RNF220: variants seen among roughly 807,000 people sequenced by gnomAD.
The protein encoded by RNF220 is ring finger protein 220, also known as E3 ubiquitin-protein ligase RNF220.
A neutral mutation model predicts 67.1 loss-of-function variants in RNF220; 7 were observed. The observed-to-expected ratio is 0.10, with a 90% CI of 0.06 to 0.20. The LOEUF is 0.20. RNF220 is among the 10% of genes least tolerant of loss of function. The pLI, the probability that RNF220 is intolerant of heterozygous loss-of-function variation, is 1.00. For missense variants in RNF220, 565 were observed against 740.3 expected (o/e 0.76, Z 2.75); for synonymous variants, 270 against 283.2 (o/e 0.95, Z 0.47).
chr1:44,563,325 C>T (rs1663732072), intron 2 of RNF220, among the ~76,000 whole-genome samples: 1 of 152,186 alleles, frequency 6.6e-6, no homozygotes, highest in East Asian at 1.9e-4. Context: ...TGGTGGCCCC[C>T]CTGCTTCAGG....
In RNF220 at chr1:44,594,272, C is replaced by G. The variant is rs182464927; in HGVS notation, c.626-19893C>G. 3.6e-3 allele frequency among the ~76,000 whole-genome samples: 548 copies of G among 152,236 alleles called. 6 individuals carry two copies. The highest frequency in any genetic ancestry group is 0.012 in the African/African-American group (516 of 41,532). ...CCTGGAGGGCGCTTTGCCTCCCCCC[C>G]TCCCTCCTTGTTACTTCATTCCCTC... On this transcript the variant is annotated intron_variant, in intron 2 of 14. Coordinates refer to ENST00000361799, the MANE Select transcript of RNF220 (RefSeq NM_018150.4).
At chr1:44,575,458 A>G (rs1441855022) in intron 2 of RNF220, among the ~76,000 whole-genome samples, 1 of 152,180 alleles carries the variant, frequency 6.6e-6, no homozygotes, top group Non-Finnish European at 1.5e-5. Flanking sequence ...TAGTGCTGCA[A>G]TAAACATGGG....
At chr1:44,555,798 C>T (rs1430126990) in intron 2 of RNF220, among the ~76,000 whole-genome samples, 2 of 150,464 alleles carry the variant, frequency 1.3e-5, no homozygotes, top group Admixed American at 6.6e-5. Flanking sequence ...TTATTTTTAC[C>T]TCTGTGACTG....
chr1:44,414,489 C>T (rs1648322015), intron 2 of RNF220, among the ~76,000 whole-genome samples: 1 of 152,184 alleles, frequency 6.6e-6, no homozygotes, highest in African/African-American at 2.4e-5. Context: ...CTGTATCCGA[C>T]TCCAGAGCAG....
Position 44,579,890 on chromosome 1 carries a change from G to A in RNF220, c.626-34275G>A, listed in dbSNP as rs143728115. Among the ~76,000 whole-genome samples, 512 of 151,890 alleles carry A rather than the reference G, an allele frequency of 3.4e-3. 20 individuals carry two copies. Among genetic ancestry groups the A allele is most frequent in the Admixed American group, 0.032 (490 of 15,270 alleles). On this transcript the variant is annotated intron_variant, in intron 2 of 14. Transcript: ENST00000361799. The stretch of plus-strand genomic sequence containing the variant: ...TAAAAAATACCAAAAAATTAGCCAG[G>A]TGTGGTGGCGTGCATCTGTAGTCCC...
chr1:44,490,865 G>T (rs554844516), intron 2 of RNF220, among the ~76,000 whole-genome samples: 1 of 150,450 alleles, frequency 6.6e-6, no homozygotes, highest in Non-Finnish European at 1.5e-5. Flanking sequence ...ACAAGAGAGA[G>T]GACTCAAATT....
chr1:44,465,431 C>T (rs1017262641), intron 2 of RNF220, among the ~76,000 whole-genome samples: 1 of 138,122 alleles, frequency 7.2e-6, no homozygotes, highest in Non-Finnish European at 1.6e-5. Flanking sequence ...TAGATAAATC[C>T]ATGTGCCATT....
At chr1:44,483,177 C>T (rs1039721692) in intron 2 of RNF220, among the ~76,000 whole-genome samples, 9 of 152,156 alleles carry the variant, frequency 5.9e-5, no homozygotes, top group Admixed American at 3.9e-4. Context: ...GCCATCCTCC[C>T]GACTTAGCCT....
At chr1:44,446,843 C>G (rs1277128511) in intron 2 of RNF220, among the ~76,000 whole-genome samples, 1 of 152,196 alleles carries the variant, frequency 6.6e-6, no homozygotes, top group African/African-American at 2.4e-5. Context: ...AGGCGTGAGC[C>G]ACCATGCCCA....
At chr1:44,511,101 AG>A (rs1191440086) in intron 2 of RNF220, among the ~76,000 whole-genome samples, 1 of 152,196 alleles carries the variant, frequency 6.6e-6, no homozygotes, top group Non-Finnish European at 1.5e-5. Context: ...TATTTTTCAA[AG>A]GTGCCAGTCC....
chr1:44,442,930 C>A (rs1321725905), intron 2 of RNF220, among the ~76,000 whole-genome samples: 1 of 152,154 alleles, frequency 6.6e-6, no homozygotes, highest in Non-Finnish European at 1.5e-5. Flanking sequence ...AGTTAGGAAC[C>A]CTCCCTGTTT....
rs1193035384 is a variant in RNF220, at chr1:44,460,812, T to C, written c.625+48090T>C. Among the ~76,000 whole-genome samples, 3 of 152,228 alleles carry C rather than the reference T, an allele frequency of 2.0e-5. No homozygotes were observed. In the East Asian group the frequency reaches 5.8e-4, roughly 29 times the overall value. Reference sequence around the variant, plus strand: ...GCCAGAGGAATAGATTGAATATAGCTGCAGAGCAGACTGGGACACGTGTGG... The same window carrying C: ...GCCAGAGGAATAGATTGAATATAGCCGCAGAGCAGACTGGGACACGTGTGG... On this transcript the variant is annotated intron_variant, in intron 2 of 14. Transcript: ENST00000361799.
rs117721049 is a variant in RNF220, at chr1:44,628,357, T to G, written c.906+1959T>G. On this transcript the variant is annotated intron_variant, in intron 5 of 14. Transcript: ENST00000361799. ...AGAGACTATGAGGAAAGCTATGGAC[T>G]CTCTTGCCTAAAAACATACGCATGT... Among the ~76,000 whole-genome samples the G allele has an allele frequency of 1.6e-4, 25 of 152,344 alleles. No individual in the cohort carries two copies. In the East Asian group the frequency reaches 4.4e-3, roughly 27 times the overall value.
chr1:44,596,926 A>C (rs1666539723), intron 2 of RNF220, among the ~76,000 whole-genome samples: 1 of 152,264 alleles, frequency 6.6e-6, no homozygotes, highest in East Asian at 1.9e-4. Context: ...CTAAACAGTC[A>C]ATTGGTTCTA....
At chr1:44,458,503 A>C (rs1163689747) in intron 2 of RNF220, among the ~76,000 whole-genome samples, 1 of 152,158 alleles carries the variant, frequency 6.6e-6, no homozygotes, top group Non-Finnish European at 1.5e-5. Flanking sequence ...TGTGAGGATG[A>C]AATGGCTATT....
chr1:44,415,489 C>T (rs1158012653), intron 2 of RNF220, among the ~76,000 whole-genome samples: 4 of 131,014 alleles, frequency 3.1e-5, no homozygotes, highest in African/African-American at 1.2e-4. Context: ...CCAAATTAAC[C>T]ATATATGGTT....
At chr1:44,640,644 A>T (rs1171553458) in intron 8 of RNF220, among the ~76,000 whole-genome samples, 1 of 152,202 alleles carries the variant, frequency 6.6e-6, no homozygotes, top group Non-Finnish European at 1.5e-5. Flanking sequence ...GACACACGCC[A>T]ACTCCCTGCC....
intron 2 of RNF220, among the ~76,000 whole-genome samples, chr1:44,414,051 G>A (rs1428972265): frequency 1.3e-5 from 2 of 152,184 alleles, no homozygotes; most frequent in African/African-American, 2.4e-5. Context: ...TCTGTAAGCC[G>A]GAGACCTCCC....
rs1311944860 is a variant in RNF220, at chr1:44,649,183, G to A, written c.1446-478G>A. On this transcript the variant is annotated intron_variant, in intron 12 of 14. Coordinates refer to ENST00000361799, the MANE Select transcript of RNF220 (RefSeq NM_018150.4). The surrounding 1 kb of genome is among the most constrained non-coding windows in gnomAD (Gnocchi z 5.9). ...AGCTCTCTACTCCAAGGGGGACATT[G>A]GAATGTTGGAAGTCACACCACGAGA... is the stretch of plus-strand genomic sequence containing the variant. 2 of 187,572 alleles carry A rather than the reference G, an allele frequency of 1.1e-5. No individual in the cohort carries two copies. Among genetic ancestry groups the A allele is most frequent in the East Asian group, 1.6e-4 (1 of 6,194 alleles). 11.6% of individuals were successfully genotyped at this position (187,572 alleles called of 1,614,324 possible).
Sources: gnomAD v4.1 joint callset for allele counts (sites outside exome capture counted in the v4.1 genomes callset) on GRCh38, gnomAD v4.1.1 for gene constraint, Gnocchi (gnomAD v3.1) non-coding constraint, MANE v1.5 for transcripts, NCBI Gene and HGNC (gene_info 2026-07-23, HGNC 2026-07-21) for gene names.